Variants in ZNF735 observed in about 807,000 individuals in gnomAD.
ZNF735 encodes zinc finger protein 735, also known as putative zinc finger protein 735.
In ZNF735, 11 loss-of-function variants were observed where a neutral mutation model predicts 13.4. The ratio of observed to expected loss-of-function variants is 0.82; its 90% CI spans 0.52 to 1.36. The LOEUF is 1.36. Ranked by LOEUF, ZNF735 falls within the 40% of genes most tolerant of loss-of-function variation. The pLI, the probability that ZNF735 is intolerant of heterozygous loss-of-function variation, is 0.00. For synonymous variants in ZNF735, 171 were observed against 162.6 expected (o/e 1.05, Z -0.39); for missense variants, 500 against 484.6 (o/e 1.03, Z -0.30).
chr7:64,219,621 T>C (rs1456754540), exon 4 of ZNF735: 7 of 1,577,034 alleles, frequency 4.4e-6, no homozygotes, highest in Non-Finnish European at 4.3e-6. Context: ...GTAAAAAATA[T>C]GGCAAATCAT....
intron 1 of ZNF735, among the ~76,000 whole-genome samples, chr7:64,212,514 CG>C (rs1352980331): frequency 6.6e-6 from 1 of 152,070 alleles, no homozygotes; most frequent in African/African-American, 2.4e-5. Flanking sequence ...CATGTCCGAC[CG>C]GGTGAGGTGG....
At chr7:64,209,516 G>C (rs1445159437) in intron 1 of ZNF735, among the ~76,000 whole-genome samples, 1 of 151,940 alleles carries the variant, frequency 6.6e-6, no homozygotes, top group South Asian at 2.1e-4. Context: ...TAGTAGAGAC[G>C]GGGTTTCACC....
intron 3 of ZNF735, among the ~76,000 whole-genome samples, chr7:64,216,615 T>A (rs1460546051): frequency 6.6e-6 from 1 of 152,124 alleles, no homozygotes; most frequent in Non-Finnish European, 1.5e-5. Context: ...AAATTTTTTT[T>A]TTTTTTGACA....
At chr7:64,217,357 C>A (rs1459656337) in intron 3 of ZNF735, among the ~76,000 whole-genome samples, 1 of 152,118 alleles carries the variant, frequency 6.6e-6, no homozygotes, top group African/African-American at 2.4e-5. Context: ...AACTGTGAAC[C>A]AAAGAAGTCT....
intron 1 of ZNF735, among the ~76,000 whole-genome samples, chr7:64,209,617 G>C (rs576495291): frequency 1.3e-5 from 2 of 152,098 alleles, no homozygotes. Context: ...GAGCCGCAGT[G>C]CATGGCCTGT....
chr7:64,219,211 C>A (rs757389080), intron 3 of ZNF735, 103 bp from the exon 4 acceptor site: 89 of 1,398,794 alleles, frequency 6.4e-5, no homozygotes, highest in Non-Finnish European at 8.4e-5. Flanking sequence ...TTTTGATATG[C>A]CATTTTGCTA....
intron 1 of ZNF735, among the ~76,000 whole-genome samples, chr7:64,209,373 G>A (rs1584212428): frequency 6.7e-6 from 1 of 149,706 alleles, no homozygotes; most frequent in South Asian, 2.1e-4. Context: ...TTTTGAGACG[G>A]AGCTTCGCTT....
exon 4 of ZNF735, chr7:64,219,684 G>A (rs1584216821): frequency 6.3e-7 from 1 of 1,587,794 alleles, no homozygotes; most frequent in Non-Finnish European, 8.6e-7. Context: ...CTAAGGAGAA[G>A]TCCTACAAAT....
intron 1 of ZNF735, among the ~76,000 whole-genome samples, chr7:64,208,797 AC>A (rs2116475905): frequency 6.6e-6 from 1 of 152,236 alleles, no homozygotes; most frequent in East Asian, 1.9e-4. Context: ...TTTCACTCCC[AC>A]TTACAAGTGA....
intron 1 of ZNF735, among the ~76,000 whole-genome samples, chr7:64,210,481 T>C (rs1439620006): frequency 1.3e-5 from 2 of 152,158 alleles, no homozygotes; most frequent in Non-Finnish European, 2.9e-5. Flanking sequence ...CTGGACCCTT[T>C]TGGATCCTGC....
exon 2 of ZNF735, chr7:64,213,206 C>A (rs1420244528): frequency 1.2e-6 from 2 of 1,603,948 alleles, no homozygotes; most frequent in Non-Finnish European, 1.7e-6. Flanking sequence ...CTACAGAAAC[C>A]TGTTCTCCCT....
intron 1 of ZNF735, among the ~76,000 whole-genome samples, chr7:64,212,654 G>C (rs1350425928): frequency 1.3e-5 from 2 of 151,982 alleles, no homozygotes; most frequent in Admixed American, 6.6e-5. Context: ...TTAGCCAGGC[G>C]TGGTGGCCCA....
At chr7:64,219,713 C>T in exon 4 of ZNF735, 3 of 1,594,306 alleles carry the variant, frequency 1.9e-6, no homozygotes, top group Non-Finnish European at 2.6e-6. Flanking sequence ...TGTGGCAAAT[C>T]CTTTAACCAC....
rs752395959 is a variant in ZNF735 at position 64,213,965 on chromosome 7, T to G, written c.167-48T>G. The G allele has an allele frequency of 2.0e-5, 29 of 1,443,194 alleles. No individual in the cohort carries two copies. The Admixed American group carries it at 4.6e-4, about 23-fold the overall frequency. 89.4% of individuals were successfully genotyped at this position (1,443,194 alleles called of 1,614,324 possible). Reference sequence around the variant, plus strand: ...CAGAGTGAGACTCCATCTCAAAAAATAAATAAATAAATAAGATTTAAGTTA... The same window carrying G: ...CAGAGTGAGACTCCATCTCAAAAAAGAAATAAATAAATAAGATTTAAGTTA... On this transcript the variant is annotated intron_variant, in intron 2 of 3. Transcript: ENST00000429565.
At position 64,219,725 on chromosome 7, in the gene ZNF735, C is replaced by T. The variant is rs539593016; in HGVS notation, c.674C>T (p.Ser225Phe). The stretch of plus-strand genomic sequence containing the variant: ...GAATGTGGCAAATCCTTTAACCACT[C>T]CTCAAGCGGTACTACACATAAAAGA... Residue 225 changes from serine to phenylalanine, a missense_variant, in exon 4 of 4, where the codon TCC (serine) becomes TTC (phenylalanine). Physicochemically the swap from Ser to Phe is radical, Grantham distance 155. Coordinates refer to ENST00000429565, the Ensembl canonical transcript of ZNF735. 113 of 1,599,556 alleles carry T rather than the reference C, an allele frequency of 7.1e-5. No homozygotes were observed. Among genetic ancestry groups the T allele is most frequent in the Non-Finnish European group, 9.1e-5 (107 of 1,172,272 alleles).
intron 3 of ZNF735, among the ~76,000 whole-genome samples, chr7:64,218,022 C>T (rs2116488164): frequency 6.6e-6 from 1 of 152,100 alleles, no homozygotes; most frequent in Admixed American, 6.5e-5. Flanking sequence ...ATATGTTTTT[C>T]AGAAAGTTAT....
chr7:64,211,134 AT>A (rs1310509566), intron 1 of ZNF735, among the ~76,000 whole-genome samples: 3 of 152,160 alleles, frequency 2.0e-5, no homozygotes, highest in Non-Finnish European at 4.4e-5. Flanking sequence ...TCTGAAAAAA[AT>A]ATTTTTTTTC....
At chr7:64,214,635 T>C (rs905464227) in intron 3 of ZNF735, among the ~76,000 whole-genome samples, 3 of 152,152 alleles carry the variant, frequency 2.0e-5, no homozygotes, top group African/African-American at 7.2e-5. Flanking sequence ...TTTATATACG[T>C]ATTTATTTAT....
chr7:64,214,820 T>C (rs993468739), intron 3 of ZNF735, among the ~76,000 whole-genome samples: 2 of 151,974 alleles, frequency 1.3e-5, no homozygotes, highest in Non-Finnish European at 2.9e-5. Context: ...TTATGATGGC[T>C]GCATCTTTTT....
Sources: gnomAD v4.1 joint callset for allele counts (sites outside exome capture counted in the v4.1 genomes callset) on GRCh38, gnomAD v4.1.1 for gene constraint, MANE v1.5 for transcripts, NCBI Gene and HGNC (gene_info 2026-07-23, HGNC 2026-07-21) for gene names.